Variants in ANKRD11 observed in about 807,000 individuals in gnomAD.
ANKRD11 encodes the protein ankyrin repeat domain 11, also known as ankyrin repeat domain-containing protein 11.
A neutral mutation model predicts 195.7 loss-of-function variants in ANKRD11; 17 were observed. The observed-to-expected ratio is 0.09, with a 90% CI of 0.06 to 0.13. The LOEUF is 0.13. ANKRD11 is among the 10% of genes least tolerant of loss of function. The pLI, the probability that ANKRD11 is intolerant of heterozygous loss-of-function variation, is 1.00. For synonymous variants in ANKRD11, 1,953 were observed against 1,528.1 expected (o/e 1.28, Z -6.49); for missense variants, 3,735 against 3,566.1 (o/e 1.05, Z -1.21).
intron 2 of ANKRD11, among the ~76,000 whole-genome samples, chr16:89,352,898 C>T (rs2039288063): frequency 1.3e-5 from 2 of 152,154 alleles, no homozygotes; most frequent in South Asian, 2.1e-4. Context: ...TTCTACTTCA[C>T]GGCATGTTTA....
At chr16:89,434,726 G>A (rs2043141425) in intron 1 of ANKRD11, among the ~76,000 whole-genome samples, 1 of 152,226 alleles carries the variant, frequency 6.6e-6, no homozygotes, top group Non-Finnish European at 1.5e-5. Flanking sequence ...CAAGGTCTCA[G>A]GACTCTAGCC....
rs199787658 is a variant in ANKRD11 at position 89,281,448 on chromosome 16, G to C, written c.5094C>G (p.Ser1698Arg). 1.9e-6 allele frequency: 3 copies of C among 1,613,660 alleles called. No homozygotes were observed. The highest frequency in any genetic ancestry group is 2.5e-6 in the Non-Finnish European group (3 of 1,179,752). Residue 1698 changes from serine to arginine, a missense_variant, in exon 9 of 13, where the codon AGC becomes AGG. Transcript: ENST00000301030. The surrounding 1 kb of genome is among the most constrained non-coding windows in gnomAD (Gnocchi z 5.5). ...VLPASPRPDQSRPTGVPTPTS... is the reference protein window; with the variant it reads ...VLPASPRPDQRRPTGVPTPTS... ...TAGGGGTGGGCACGCCAGTGGGCCGGCTCTGGTCAGGCCTGGGGGACGCAG... is the reference window on the plus strand; with the variant it reads ...TAGGGGTGGGCACGCCAGTGGGCCGCCTCTGGTCAGGCCTGGGGGACGCAG...
chr16:89,478,041 C>T (rs1339626184), intron 1 of ANKRD11, among the ~76,000 whole-genome samples: 4 of 152,114 alleles, frequency 2.6e-5, no homozygotes, highest in Admixed American at 2.6e-4. Context: ...ATTATGGCTT[C>T]AAAAGAAGCC....
intron 4 of ANKRD11, chr16:89,304,988 G>A: frequency 1.5e-6 from 1 of 667,438 alleles, no homozygotes; most frequent in Middle Eastern, 4.2e-4. Flanking sequence ...CAAGAGTGAA[G>A]CTCTCCAATC....
chr16:89,344,955 C>G (rs923716765), intron 2 of ANKRD11, among the ~76,000 whole-genome samples: 2 of 152,164 alleles, frequency 1.3e-5, no homozygotes, highest in African/African-American at 2.4e-5. Flanking sequence ...GTTGGCAGAA[C>G]TGAAAATCTC....
chr16:89,329,195 G>A (rs1891125810), intron 2 of ANKRD11, among the ~76,000 whole-genome samples: 1 of 152,238 alleles, frequency 6.6e-6, no homozygotes, highest in African/African-American at 2.4e-5. Flanking sequence ...CCGTGAGGAG[G>A]GCTCATGTCT....
intron 10 of ANKRD11, 60 bp from the exon 11 acceptor site, chr16:89,275,017 A>C: frequency 6.2e-7 from 1 of 1,611,850 alleles, no homozygotes. Context: ...CCCCACTGTC[A>C]ACACGACAGC....
intron 2 of ANKRD11, among the ~76,000 whole-genome samples, chr16:89,402,636 TG>T (rs1011878932): frequency 2.7e-5 from 1 of 36,524 alleles, no homozygotes; most frequent in African/African-American, 1.1e-4. Context: ...GAGCTGTGGG[TG>T]GGGGGGGCAG....
At chr16:89,328,691 C>T in intron 2 of ANKRD11, among the ~76,000 whole-genome samples, 1 of 147,818 alleles carries the variant, frequency 6.8e-6, no homozygotes, top group Admixed American at 6.7e-5. Context: ...CACCCAGGAG[C>T]ACGGGCGAAA....
chr16:89,282,103 T>A lies in ANKRD11; in HGVS notation c.4439A>T (p.His1480Leu). 4.3e-6 allele frequency: 7 copies of A among 1,614,134 alleles called. No individual in the cohort carries two copies. Among genetic ancestry groups the A allele is most frequent in the Non-Finnish European group, 5.9e-6 (7 of 1,180,004 alleles). ...GTGATGCCGCAGCAGCCCATCCGCA[T>A]GCCTGTCCCGGTGCCTCTCCTTCTC... Reference protein sequence around the residue: ...RDEKERHRDRHADGLLRHHRD... With the variant: ...RDEKERHRDRLADGLLRHHRD... The change falls in exon 9 of 13, where the codon CAT (histidine) becomes CTT (leucine). Residue 1480 changes from histidine (H) to leucine (L), a missense_variant. His to Leu is a moderately conservative substitution (Grantham distance 99). Transcript: ENST00000301030.
chr16:89,413,875 G>C (rs1448058682), intron 2 of ANKRD11, among the ~76,000 whole-genome samples: 1 of 152,098 alleles, frequency 6.6e-6, no homozygotes, highest in Non-Finnish European at 1.5e-5. Context: ...AGGCCAGACT[G>C]GGGGGAGGCA....
intron 1 of ANKRD11, among the ~76,000 whole-genome samples, chr16:89,487,638 G>A (rs1484203352): frequency 6.6e-6 from 1 of 152,120 alleles, no homozygotes; most frequent in Non-Finnish European, 1.5e-5. Context: ...GCCAGGCGTG[G>A]CGGTGGGCGC....
At chr16:89,477,192 C>T (rs1410596186) in intron 1 of ANKRD11, among the ~76,000 whole-genome samples, 1 of 149,914 alleles carries the variant, frequency 6.7e-6, no homozygotes, top group Non-Finnish European at 1.5e-5. Flanking sequence ...AAGTCATTTC[C>T]CCTTTTTTTT....
At position 89,282,585 on chromosome 16, in the gene ANKRD11, G is replaced by T. The variant is rs149241676; in HGVS notation, c.3957C>A (p.Ala1319=). The T allele has an allele frequency of 2.2e-5, 36 of 1,614,162 alleles. No individual in the cohort carries two copies. Among genetic ancestry groups the T allele is most frequent in the Non-Finnish European group, 2.9e-5 (34 of 1,180,020 alleles). Residue 1319 remains alanine, a synonymous_variant, in exon 9 of 13, where the codon GCC becomes GCA. Coordinates refer to ENST00000301030, the MANE Select transcript of ANKRD11 (RefSeq NM_013275.6). ...GCTCCGTGAAAGAGACCTCCAGGAA[G>T]GCAGTCAGCCCCGGCTCCTGCCCTC... ...TDRGQEPGLT[A]FLEVSFTEPP...
At chr16:89,423,440 T>C (rs982816138) in intron 1 of ANKRD11, among the ~76,000 whole-genome samples, 1 of 152,240 alleles carries the variant, frequency 6.6e-6, no homozygotes, top group Admixed American at 6.5e-5. Flanking sequence ...ATTCCTTTCA[T>C]GAGTACAGGA....
chr16:89,481,326 G>A (rs528715842), intron 1 of ANKRD11, among the ~76,000 whole-genome samples: 2 of 152,270 alleles, frequency 1.3e-5, no homozygotes, highest in East Asian at 1.9e-4. Flanking sequence ...CCAGCACTTT[G>A]GGAGGCTGAG....
intron 2 of ANKRD11, among the ~76,000 whole-genome samples, chr16:89,373,670 ACT>A (rs1273690176): frequency 6.6e-6 from 1 of 152,144 alleles, no homozygotes; most frequent in Non-Finnish European, 1.5e-5. Context: ...ACATCATGTA[ACT>A]CTCGCTGATG....
At chr16:89,448,701 C>G (rs1395252689) in intron 1 of ANKRD11, among the ~76,000 whole-genome samples, 1 of 152,180 alleles carries the variant, frequency 6.6e-6, no homozygotes, top group Non-Finnish European at 1.5e-5. Flanking sequence ...TAAAGTTAAA[C>G]TGCTTCTGAG....
chr16:89,406,468 G>C (rs932497167), intron 2 of ANKRD11, among the ~76,000 whole-genome samples: 1 of 152,212 alleles, frequency 6.6e-6, no homozygotes, highest in Non-Finnish European at 1.5e-5. Flanking sequence ...ACGGGCAAAG[G>C]AGCCACCGTG....
Sources: allele counts gnomAD v4.1 joint callset (sites outside exome capture counted in the v4.1 genomes callset), GRCh38; gene constraint gnomAD v4.1.1; non-coding constraint Gnocchi (gnomAD v3.1); transcripts MANE v1.5; gene names NCBI Gene and HGNC (gene_info 2026-07-23, HGNC 2026-07-21).